Variants in C6orf141 observed in about 807,000 individuals in gnomAD.
C6orf141 encodes the protein chromosome 6 open reading frame 141, also known as uncharacterized protein C6orf141.
For synonymous variants in C6orf141, 164 were observed against 140.5 expected (o/e 1.17, Z -1.18); for missense variants, 361 against 335.8 (o/e 1.07, Z -0.59).
In C6orf141 at chr6:49,551,468, G is replaced by A. The variant is rs775922102; in HGVS notation, c.676G>A (p.Ala226Thr). 1.7e-5 allele frequency: 26 copies of A among 1,551,476 alleles called. No individual in the cohort carries two copies. The highest frequency in any genetic ancestry group is 2.2e-5 in the Non-Finnish European group (25 of 1,147,008). The part of the protein sequence containing the change: ...QARTGASRVH[A>T]AGRRVSPSPG... ...ACGAACAGGGGCATCCCGCGTCCAC[G>A]CCGCGGGGAGGAGGGTTTCACCGTC... The change falls in exon 1 of 1, where the codon GCC (alanine) becomes ACC (threonine). Residue 226 changes from alanine (A) to threonine (T), a missense_variant. Coordinates refer to ENST00000529246, the MANE Select transcript of C6orf141 (RefSeq NM_001145652.2).
In C6orf141 at chr6:49,551,338, C is replaced by A. The variant is rs749932101; in HGVS notation, c.546C>A (p.Thr182=). Residue 182 remains threonine (T), a synonymous_variant, in exon 1 of 1, where the codon ACC becomes ACA. Coordinates refer to ENST00000529246, the MANE Select transcript of C6orf141 (RefSeq NM_001145652.2). ...CCTCCTGGGCCAAGGGTCGCATGAC[C>A]ACGAGGACTGAGGAGCACTTCGTGA... ...LQTSWAKGRM[T]TRTEEHFVTA... 143 of 1,551,688 alleles carry A rather than the reference C, an allele frequency of 9.2e-5. No homozygotes were observed. In the Middle Eastern group the frequency reaches 4.0e-3, roughly 43 times the overall value.
Position 49,551,325 on chromosome 6 carries a change from A to G in C6orf141, c.533A>G (p.Lys178Arg). ...GAAGTGTTGCAGACCTCCTGGGCCAAGGGTCGCATGACCACGAGGACTGAG... is the reference window on the plus strand; with the variant it reads ...GAAGTGTTGCAGACCTCCTGGGCCAGGGGTCGCATGACCACGAGGACTGAG... ...TQEVLQTSWA[K>R]GRMTTRTEEH... is the part of the protein sequence containing the mutation. The change falls in exon 1 of 1, where the codon AAG becomes AGG. Residue 178 changes from lysine to arginine, a missense_variant. Physicochemically the swap from Lys to Arg is conservative, Grantham distance 26. Coordinates refer to ENST00000529246, the MANE Select transcript of C6orf141 (RefSeq NM_001145652.2). The G allele has an allele frequency of 6.4e-7, 1 of 1,551,726 alleles. No homozygotes were observed. Among genetic ancestry groups the G allele is most frequent in the Non-Finnish European group, 8.7e-7 (1 of 1,146,988 alleles).
At chr6:49,557,994 T>C (rs1444618260) in intron 4 of C6orf141, among the ~76,000 whole-genome samples, 2 of 151,708 alleles carry the variant, frequency 1.3e-5, no homozygotes, top group Non-Finnish European at 1.5e-5. Context: ...CGGGTTCAAG[T>C]GATTTTCCTG....
intron 4 of C6orf141, among the ~76,000 whole-genome samples, chr6:49,559,348 T>G (rs1240005093): frequency 6.6e-6 from 1 of 151,500 alleles, no homozygotes; most frequent in African/African-American, 2.4e-5. Flanking sequence ...ATAATCACAT[T>G]ATACTTGTTT....
At position 49,550,874 on chromosome 6, in the gene C6orf141, G is replaced by A. The variant is rs879815405; in HGVS notation, c.82G>A (p.Asp28Asn). ...CATGGACTCCTCCCGCAGCCTGGGG[G>A]ACCTCGGGCCTTTTCCGCGGGAGGT... is the stretch of plus-strand genomic sequence containing the variant. ...NPMDSSRSLG[D>N]LGPFPREVGR... Residue 28 changes from aspartate to asparagine, a missense_variant, in exon 1 of 1, where the codon GAC becomes AAC. Physicochemically the swap from Asp to Asn is conservative, Grantham distance 23 (BLOSUM62 1). Coordinates refer to ENST00000529246, the MANE Select transcript of C6orf141 (RefSeq NM_001145652.2). 9 of 1,510,382 alleles carry A rather than the reference G, an allele frequency of 6.0e-6. No homozygotes were observed. Among genetic ancestry groups the A allele is most frequent in the Non-Finnish European group, 7.1e-6 (8 of 1,132,722 alleles). 93.6% of individuals were successfully genotyped at this position (1,510,382 alleles called of 1,614,324 possible). A position where few individuals can be genotyped will look rare whatever the true frequency, so the allele number is the denominator to read the frequency against.
chr6:49,561,343 C>G (rs1442995267), intron 4 of C6orf141, among the ~76,000 whole-genome samples: 1 of 152,184 alleles, frequency 6.6e-6, no homozygotes, highest in Non-Finnish European at 1.5e-5. Flanking sequence ...AGGTGATCCC[C>G]CTGCCTTGGC....
chr6:49,552,855 C>T (rs1770953464), downstream of C6orf141: 1 of 152,174 alleles, frequency 6.6e-6, no homozygotes, highest in Non-Finnish European at 1.5e-5. Flanking sequence ...TTTGGGGCAG[C>T]CTTTAGAGGA....
rs1227785614 is a variant in C6orf141, at chr6:49,551,462, G to T, written c.670G>T (p.Val224Phe). ...ALQARTGASR[V>F]HAAGRRVSPS... Reference sequence around the variant, plus strand: ...CCAGGCACGAACAGGGGCATCCCGCGTCCACGCCGCGGGGAGGAGGGTTTC... The same window carrying T: ...CCAGGCACGAACAGGGGCATCCCGCTTCCACGCCGCGGGGAGGAGGGTTTC... The change falls in exon 1 of 1, where the codon GTC becomes TTC. Residue 224 changes from valine to phenylalanine, a missense_variant. By Grantham distance (50) the Val-to-Phe change is conservative. Transcript: ENST00000529246. 6.4e-7 allele frequency: 1 copy of T among 1,551,494 alleles called. No homozygotes were observed. Among genetic ancestry groups the T allele is most frequent in the South Asian group, 1.2e-5 (1 of 84,062 alleles).
At position 49,551,141 on chromosome 6, in the gene C6orf141, C is replaced by G; in HGVS notation, c.349C>G (p.Pro117Ala). 2 of 1,551,724 alleles carry G rather than the reference C, an allele frequency of 1.3e-6. No homozygotes were observed. ...AGAGGTGGCCGGTGCAGAGGACCTTCCTCATGCGGGTGGAGAGGACCACGG... is the reference window on the plus strand; with the variant it reads ...AGAGGTGGCCGGTGCAGAGGACCTTGCTCATGCGGGTGGAGAGGACCACGG... ...REEVAGAEDL[P>A]HAGGEDHGEE... Residue 117 changes from proline to alanine, a missense_variant, in exon 1 of 1, where the codon CCT (proline) becomes GCT (alanine). Physicochemically the swap from Pro to Ala is conservative, Grantham distance 27. Transcript: ENST00000529246.
Position 49,550,842 on chromosome 6 carries a change from C to G in C6orf141, c.50C>G (p.Ala17Gly). ...GAGACCCGGGGGCCTCAGGGAGCTG[C>G]GAATCCCATGGACTCCTCCCGCAGC... ...RMETRGPQGA[A>G]NPMDSSRSLG... is the part of the protein sequence containing the mutation. Residue 17 changes from alanine (A) to glycine (G), a missense_variant, in exon 1 of 1, where the codon GCG becomes GGG. Ala to Gly is a moderately conservative substitution (Grantham distance 60). Transcript: ENST00000529246. 1 of 1,486,788 alleles carries G rather than the reference C, an allele frequency of 6.7e-7. No individual in the cohort carries two copies. The highest frequency in any genetic ancestry group is 8.9e-7 in the Non-Finnish European group (1 of 1,121,800). The allele number at this position is 1,486,788 out of a possible 1,614,324, so 92.1% of individuals were successfully genotyped here. A position where few individuals can be genotyped will look rare whatever the true frequency, so the allele number is the denominator to read the frequency against.
At chr6:49,557,209 G>A (rs6924285) in intron 4 of C6orf141, among the ~76,000 whole-genome samples, 42,027 of 151,974 alleles carry the variant, frequency 0.28, 6,218 homozygotes, top group Admixed American at 0.41. Flanking sequence ...CTGAGATCGC[G>A]CCATTGCACT....
intron 4 of C6orf141, among the ~76,000 whole-genome samples, chr6:49,559,945 G>A (rs183219082): frequency 6.6e-6 from 1 of 152,260 alleles, no homozygotes; most frequent in East Asian, 1.9e-4. Context: ...TGAGGTTATA[G>A]GGTTTATCCT....
rs1405906997 is a variant in C6orf141, at chr6:49,551,858, G to GC, written c.*337dup. On this transcript the variant is annotated 3_prime_UTR_variant, in exon 1 of 1. Coordinates refer to ENST00000529246, the MANE Select transcript of C6orf141 (RefSeq NM_001145652.2). ...TCAATTGATCTCTTTTCTGTTCCCCGCCCCCCTCTTGTTTCTCTTTAGGAC... is the reference window on the plus strand; with the variant it reads ...TCAATTGATCTCTTTTCTGTTCCCCGCCCCCCCTCTTGTTTCTCTTTAGGAC... The GC allele has an allele frequency of 3.5e-6, 4 of 1,157,096 alleles. No homozygotes were observed. The highest frequency in any genetic ancestry group is 4.3e-6 in the Non-Finnish European group (4 of 927,480). The allele number at this position is 1,157,096 out of a possible 1,614,324, so 71.7% of individuals were successfully genotyped here. A position where few individuals can be genotyped will look rare whatever the true frequency, so the allele number is the denominator to read the frequency against.
Position 49,551,798 on chromosome 6 carries a change from A to T in C6orf141, c.*271A>T. 2.3e-6 allele frequency: 3 copies of T among 1,314,810 alleles called. No individual in the cohort carries two copies. The highest frequency in any genetic ancestry group is 2.9e-6 in the Non-Finnish European group (3 of 1,024,252). 81.4% of individuals were successfully genotyped at this position (1,314,810 alleles called of 1,614,324 possible). On this transcript the variant is annotated 3_prime_UTR_variant, in exon 1 of 1. Transcript: ENST00000529246. Reference sequence around the variant, plus strand: ...CAGAATGTGGGAGTTTTGAAATGAGAAAACCTGTTGTTAATTTGCATTTTG... The same window carrying T: ...CAGAATGTGGGAGTTTTGAAATGAGTAAACCTGTTGTTAATTTGCATTTTG...
At chr6:49,554,284 A>G (rs954980511), downstream of C6orf141, among the ~76,000 whole-genome samples, 2 of 152,238 alleles carry the variant, frequency 1.3e-5, no homozygotes, top group Non-Finnish European at 2.9e-5. Flanking sequence ...GTTGTCTAGA[A>G]AAGCAGAATA....
chr6:49,553,044 A>T (rs1771005553), downstream of C6orf141: 1 of 152,062 alleles, frequency 6.6e-6, no homozygotes, highest in South Asian at 2.1e-4. Context: ...CGATGCTCCT[A>T]CCTCAGCCTC....
In C6orf141 at chr6:49,560,095, C is replaced by T. The variant is rs573462681; in HGVS notation, c.*764-1609C>T. Among the ~76,000 whole-genome samples the T allele has an allele frequency of 3.3e-5, 5 of 152,242 alleles. No individual in the cohort carries two copies. The East Asian group carries it at 9.7e-4, about 30-fold the overall frequency. On this transcript the variant is annotated intron_variant and NMD_transcript_variant, in intron 4 of 4. Coordinates refer to the C6orf141 transcript ENST00000371194. ...TTGGGAGGCTGAGGTGGGTGGATCA[C>T]CTGAGGTCTGGAGTTCGAAACCAGC...
rs35286960 is a variant in C6orf141 at position 49,561,101 on chromosome 6, A to ATTTT, written c.*764-592_*764-589dup. ...ACTAAATGCATTCATTGTGAGAGTA[A>ATTTT]TTTTTTTTTTTTTTGAGACAGAGTC... On this transcript the variant is annotated intron_variant and NMD_transcript_variant, in intron 4 of 4. Transcript: ENST00000371194. 4.8e-3 allele frequency among the ~76,000 whole-genome samples: 675 copies of ATTTT among 140,782 alleles called. 6 individuals carry two copies. The highest frequency in any genetic ancestry group is 7.7e-3 in the Non-Finnish European group (510 of 65,808). The allele number at this position is 140,782 out of a possible 152,430, so 92.4% of individuals were successfully genotyped here.
rs1002462290 is a variant in C6orf141, at chr6:49,550,970, G to A, written c.178G>A (p.Gly60Ser). 9.7e-6 allele frequency: 15 copies of A among 1,550,156 alleles called. No homozygotes were observed. The Admixed American group carries it at 2.0e-4, about 20-fold the overall frequency. Residue 60 changes from glycine to serine, a missense_variant, in exon 1 of 1, where the codon GGC (glycine) becomes AGC (serine). By Grantham distance (56) the Gly-to-Ser change is moderately conservative (BLOSUM62 0). Coordinates refer to ENST00000529246, the MANE Select transcript of C6orf141 (RefSeq NM_001145652.2). ...ATAGASRSQG[G>S]GHEDRTADRA... ...GGCAGGGGCGAGCCGAAGCCAGGGCGGCGGCCACGAGGACAGAACGGCAGA... is the reference window on the plus strand; with the variant it reads ...GGCAGGGGCGAGCCGAAGCCAGGGCAGCGGCCACGAGGACAGAACGGCAGA...
Sources: allele counts gnomAD v4.1 joint callset (sites outside exome capture counted in the v4.1 genomes callset), GRCh38; gene constraint gnomAD v4.1.1; transcripts MANE v1.5; gene names NCBI Gene and HGNC (gene_info 2026-07-23, HGNC 2026-07-21).